The following APBA2 variants were observed in gnomAD, a reference collection of about 807,000 sequenced individuals.
APBA2 encodes amyloid beta precursor protein binding family A member 2.
A neutral mutation model predicts 75.0 loss-of-function variants in APBA2; 30 were observed. The observed-to-expected ratio is 0.40, with a 90% CI of 0.30 to 0.54. The LOEUF is 0.54. Among genes scored for constraint, APBA2 ranks in the 20% least tolerant of loss-of-function variants. The pLI is 0.49. For synonymous variants in APBA2, 444 were observed against 409.6 expected (o/e 1.08, Z -1.01); for missense variants, 801 against 1,016.1 (o/e 0.79, Z 2.88).
chr15:28,994,200 G>A (rs1384199597), intron 2 of APBA2, among the ~76,000 whole-genome samples: 2 of 152,158 alleles, frequency 1.3e-5, no homozygotes, highest in African/African-American at 4.8e-5. Flanking sequence ...CACCTTCCCA[G>A]CCACCTTTGA....
intron 1 of APBA2, among the ~76,000 whole-genome samples, chr15:28,901,355 T>C (rs1159840776): frequency 2.7e-5 from 4 of 145,712 alleles, no homozygotes. Context: ...CCAGATCCAG[T>C]GGGAGCCAGC....
At chr15:29,010,129 A>G (rs2039325069) in intron 3 of APBA2, among the ~76,000 whole-genome samples, 1 of 152,194 alleles carries the variant, frequency 6.6e-6, no homozygotes, top group South Asian at 2.1e-4. Flanking sequence ...TATGATTTTC[A>G]GTTCACTGAA....
rs1272921985 is a variant in APBA2, at chr15:29,117,238, C to T, written c.*105C>T. The T allele has an allele frequency of 8.2e-6, 9 of 1,092,762 alleles. No homozygotes were observed. The highest frequency in any genetic ancestry group is 1.3e-5 in the Non-Finnish European group (9 of 719,146). 67.7% of individuals were successfully genotyped at this position (1,092,762 alleles called of 1,614,324 possible). A position where few individuals can be genotyped will look rare whatever the true frequency, so the allele number is the denominator to read the frequency against. On this transcript the variant is annotated 3_prime_UTR_variant, in exon 15 of 15. Coordinates refer to ENST00000683413, the MANE Select transcript of APBA2 (RefSeq NM_001353788.2). ...CTTGACCCCGACGCCACAGCCCAGCCACGGACGCTGGCTCCCCAAAGGGTG... is the reference window on the plus strand; with the variant it reads ...CTTGACCCCGACGCCACAGCCCAGCTACGGACGCTGGCTCCCCAAAGGGTG...
rs186644315 is a variant in APBA2 at position 29,067,519 on chromosome 15, C to G, written c.952-7402C>G. ...GGGAGCCTCCCCTTCTCTCCTAGGT[C>G]TTGTATGGGTCATGATCCCGCCTTG... is the stretch of plus-strand genomic sequence containing the variant. On this transcript the variant is annotated intron_variant, in intron 4 of 14. Transcript: ENST00000683413. 2.4e-4 allele frequency among the ~76,000 whole-genome samples: 37 copies of G among 152,188 alleles called. No homozygotes were observed. The South Asian group carries it at 6.7e-3, about 27-fold the overall frequency.
chr15:28,896,142 C>G, intron 1 of APBA2, among the ~76,000 whole-genome samples: 1 of 152,030 alleles, frequency 6.6e-6, no homozygotes, highest in East Asian at 1.9e-4. Flanking sequence ...GGAGAGGGAG[C>G]TCTATTTGAT....
intron 2 of APBA2, among the ~76,000 whole-genome samples, chr15:28,922,933 T>G (rs1285713777): frequency 6.6e-6 from 1 of 152,192 alleles, no homozygotes; most frequent in Non-Finnish European, 1.5e-5. Flanking sequence ...GAACTGAGGT[T>G]GTTGCCCATG....
chr15:28,966,733 C>T (rs2036759432), intron 2 of APBA2, among the ~76,000 whole-genome samples: 7 of 152,064 alleles, frequency 4.6e-5, no homozygotes, highest in Admixed American at 3.9e-4. Flanking sequence ...CCTTCTCTTT[C>T]TCATTCCTCT....
chr15:29,117,503 C>T lies in APBA2; in HGVS notation c.*370C>T, dbSNP rs62007245. ...TGGCGCCTCCGAGGGACGCGGCTCC[C>T]GGGGCAGGGCAGCCGTCACCCCTGC... On this transcript the variant is annotated 3_prime_UTR_variant, in exon 15 of 15. Coordinates refer to ENST00000683413, the MANE Select transcript of APBA2 (RefSeq NM_001353788.2). 0.012 allele frequency: 3,261 copies of T among 283,144 alleles called. 34 individuals carry two copies. Among genetic ancestry groups the T allele is most frequent in the Admixed American group, 0.02 (408 of 20,402 alleles). The allele number at this position is 283,144 out of a possible 1,614,324, so 17.5% of individuals were successfully genotyped here.
At chr15:29,086,486 G>T (rs1053132517) in intron 6 of APBA2, among the ~76,000 whole-genome samples, 1 of 152,158 alleles carries the variant, frequency 6.6e-6, no homozygotes, top group Non-Finnish European at 1.5e-5. Context: ...ATGATACTTT[G>T]TCAGGTTTAT....
intron 2 of APBA2, among the ~76,000 whole-genome samples, chr15:28,939,698 T>C (rs1042708590): frequency 3.3e-5 from 5 of 152,214 alleles, no homozygotes; most frequent in African/African-American, 1.2e-4. Flanking sequence ...CTCAAGGCAG[T>C]GGTGCATGCG....
At position 29,046,470 on chromosome 15, in the gene APBA2, G is replaced by A. The variant is rs183779126; in HGVS notation, c.-40-7375G>A. ...CCCCTGGAGTAGGGGAAGAAGGCTTGGAATGTGGTGGGCCTAGGCTTCTTG... is the reference window on the plus strand; with the variant it reads ...CCCCTGGAGTAGGGGAAGAAGGCTTAGAATGTGGTGGGCCTAGGCTTCTTG... On this transcript the variant is annotated intron_variant, in intron 3 of 14. Transcript: ENST00000683413. The surrounding 1 kb of genome is among the most constrained non-coding windows in gnomAD (Gnocchi z 5.0). Among the ~76,000 whole-genome samples the A allele has an allele frequency of 1.8e-4, 28 of 152,322 alleles. 1 individual carries two copies. The highest frequency in any genetic ancestry group is 6.7e-4 in the African/African-American group (28 of 41,568).
At chr15:28,894,739 G>C (rs1389148759) in intron 1 of APBA2, among the ~76,000 whole-genome samples, 1 of 152,174 alleles carries the variant, frequency 6.6e-6, no homozygotes, top group Non-Finnish European at 1.5e-5. Flanking sequence ...GCGAACTCTA[G>C]GAGAGTGATT....
intron 3 of APBA2, among the ~76,000 whole-genome samples, chr15:29,007,015 C>T (rs2039152935): frequency 6.6e-6 from 1 of 152,138 alleles, no homozygotes; most frequent in South Asian, 2.1e-4. Context: ...AAACTAGCTA[C>T]AAAGCTGTAG....
chr15:29,047,996 T>C (rs1455729570), intron 3 of APBA2, among the ~76,000 whole-genome samples: 2 of 152,138 alleles, frequency 1.3e-5, no homozygotes, highest in African/African-American at 2.4e-5. Flanking sequence ...AAGACTTCAA[T>C]AAATAGGAAG....
At chr15:29,039,895 C>T (rs2152860664) in intron 3 of APBA2, among the ~76,000 whole-genome samples, 1 of 152,254 alleles carries the variant, frequency 6.6e-6, no homozygotes, top group African/African-American at 2.4e-5. Flanking sequence ...AAAGCAACCC[C>T]ATCGGGAAGG....
At position 29,054,117 on chromosome 15, in the gene APBA2, A is replaced by G. The variant is rs1351459253; in HGVS notation, c.233A>G (p.Asn78Ser). 1 of 1,614,070 alleles carries G rather than the reference A, an allele frequency of 6.2e-7. No homozygotes were observed. The highest frequency in any genetic ancestry group is 8.5e-7 in the Non-Finnish European group (1 of 1,180,044). ...PDGDSSSDYV[N>S]NTSEEEDYDE... ...GGGGACTCCAGCTCTGACTACGTGA[A>G]CAACACCTCTGAGGAGGAGGACTAT... Residue 78 changes from asparagine (N) to serine (S), a missense_variant, in exon 4 of 15, where the codon AAC (asparagine) becomes AGC (serine). By Grantham distance (46) the Asn-to-Ser change is conservative. This residue lies in a region of APBA2 where 434 missense variants were observed against 471.6 expected (regional missense o/e 0.92). Transcript: ENST00000683413. The surrounding 1 kb of genome is among the most constrained non-coding windows in gnomAD (Gnocchi z 6.1).
intron 2 of APBA2, among the ~76,000 whole-genome samples, chr15:28,924,378 T>A (rs1329261137): frequency 6.6e-6 from 1 of 152,210 alleles, no homozygotes; most frequent in African/African-American, 2.4e-5. Flanking sequence ...ACAAGTTTTC[T>A]TCATCCCAGA....
intron 1 of APBA2, among the ~76,000 whole-genome samples, chr15:28,900,243 G>A (rs2032769605): frequency 6.6e-6 from 1 of 152,196 alleles, no homozygotes; most frequent in African/African-American, 2.4e-5. Context: ...CAGCCTGGCA[G>A]TGTGGCTGTG....
intron 3 of APBA2, 89 bp from the exon 4 acceptor site, chr15:29,053,756 T>G: frequency 1.3e-6 from 1 of 761,978 alleles, no homozygotes; most frequent in Non-Finnish European, 2.1e-6. Context: ...CGGGAGGACG[T>G]GGTGGGAGGT....
Sources: gnomAD v4.1 joint callset for allele counts (sites outside exome capture counted in the v4.1 genomes callset) on GRCh38, gnomAD v4.1.1 for gene constraint, gnomAD v4.1.1 regional missense constraint, Gnocchi (gnomAD v3.1) non-coding constraint, MANE v1.5 for transcripts, NCBI Gene and HGNC (gene_info 2026-07-23, HGNC 2026-07-21) for gene names.